ACER3: variants seen among roughly 807,000 people sequenced by gnomAD.
The protein encoded by ACER3 is alkaline ceramidase 3.
A neutral mutation model predicts 48.9 loss-of-function variants in ACER3; 16 were observed. The ratio of observed to expected loss-of-function variants is 0.33; its 90% CI spans 0.22 to 0.50. The LOEUF is 0.50. Among genes scored for constraint, ACER3 ranks in the 20% least tolerant of loss-of-function variants. The probability of loss-of-function intolerance (pLI) is 0.98; values close to 1 mark genes in which losing one functional copy is unlikely to be tolerated. For missense variants in ACER3, 227 were observed against 326.0 expected (o/e 0.70, Z 2.34); for synonymous variants, 109 against 107.8 (o/e 1.01, Z -0.07).
At chr11:76,900,699 A>G (rs1306941657) in intron 1 of ACER3, among the ~76,000 whole-genome samples, 2 of 152,172 alleles carry the variant, frequency 1.3e-5, no homozygotes, top group African/African-American at 4.8e-5. Context: ...CTTCTGCCAG[A>G]TTGTCTAATG....
In ACER3 at chr11:76,877,105, A is replaced by T. The variant is rs188966519; in HGVS notation, c.103+16026A>T. On this transcript the variant is annotated intron_variant, in intron 1 of 10. Coordinates refer to ENST00000532485, the MANE Select transcript of ACER3 (RefSeq NM_018367.7). ...TTATAAGCCCATCTGAAGATTTCAA[A>T]AAATTTTATAAGCATCATTTTATTT... 5.9e-5 allele frequency among the ~76,000 whole-genome samples: 9 copies of T among 152,316 alleles called. No individual in the cohort carries two copies. The East Asian group carries it at 1.7e-3, about 29-fold the overall frequency.
intron 1 of ACER3, among the ~76,000 whole-genome samples, chr11:76,868,464 T>C (rs1429157227): frequency 6.6e-6 from 1 of 150,770 alleles, no homozygotes; most frequent in African/African-American, 2.4e-5. Context: ...ATAACTCTCA[T>C]ATCCCTTTTT....
chr11:77,010,118 G>A (rs2135306710), intron 7 of ACER3, among the ~76,000 whole-genome samples: 1 of 151,618 alleles, frequency 6.6e-6, no homozygotes, highest in East Asian at 1.9e-4. Context: ...ACTCCCCTAA[G>A]AATTTGTAAA....
intron 1 of ACER3, among the ~76,000 whole-genome samples, chr11:76,921,555 T>C (rs1281977509): frequency 6.6e-6 from 1 of 152,208 alleles, no homozygotes; most frequent in Non-Finnish European, 1.5e-5. Flanking sequence ...TCTTATAATC[T>C]TACCTGTTCT....
At chr11:76,902,605 G>A (rs928082168) in intron 1 of ACER3, among the ~76,000 whole-genome samples, 8 of 152,276 alleles carry the variant, frequency 5.3e-5, no homozygotes, top group Middle Eastern at 3.4e-3. Flanking sequence ...ACTTTTCTCT[G>A]CTTCTTGGGA....
chr11:76,915,552 T>C (rs898367646), intron 1 of ACER3, among the ~76,000 whole-genome samples: 2 of 152,164 alleles, frequency 1.3e-5, no homozygotes, highest in Admixed American at 1.3e-4. Flanking sequence ...CGATAATTGC[T>C]GAACTATCAC....
intron 1 of ACER3, among the ~76,000 whole-genome samples, chr11:76,915,868 A>T (rs1946513860): frequency 6.6e-6 from 1 of 152,182 alleles, no homozygotes. Context: ...GAATTCACTC[A>T]GTCTCAAGAA....
chr11:76,889,505 C>A (rs1385335663), intron 1 of ACER3, among the ~76,000 whole-genome samples: 1 of 152,138 alleles, frequency 6.6e-6, no homozygotes, highest in Admixed American at 6.5e-5. Context: ...TGTGTACTTA[C>A]AAACATATAA....
chr11:76,916,245 C>G lies in ACER3; in HGVS notation c.104-10312C>G, dbSNP rs1214743150. Among the ~76,000 whole-genome samples, 3 of 152,066 alleles carry G rather than the reference C, an allele frequency of 2.0e-5. No homozygotes were observed. In the East Asian group the frequency reaches 5.8e-4, roughly 29 times the overall value. ...TAACTTTATTACATCATAACTGAAC[C>G]ACATCTGAAATAATATCTATTAGGT... is the stretch of plus-strand genomic sequence containing the variant. On this transcript the variant is annotated intron_variant, in intron 1 of 10. Coordinates refer to ENST00000532485, the MANE Select transcript of ACER3 (RefSeq NM_018367.7).
At chr11:76,966,700 A>G (rs1192103281) in intron 3 of ACER3, among the ~76,000 whole-genome samples, 1 of 150,312 alleles carries the variant, frequency 6.7e-6, no homozygotes, top group Non-Finnish European at 1.5e-5. Flanking sequence ...CCTGCTCCTG[A>G]ATGACTACTG....
Position 76,861,011 on chromosome 11 carries a change from G to C in ACER3, c.35G>C (p.Gly12Ala), listed in dbSNP as rs370824515. Residue 12 changes from glycine to alanine, a missense_variant, in exon 1 of 11, where the codon GGC (glycine) becomes GCC (alanine). Gly to Ala is a moderately conservative substitution (Grantham distance 60). Transcript: ENST00000532485. ...GCCGCGGACCGAGAGGGCTACTGGG[G>C]CCCCACGACCTCCACGCTGGACTGG... The part of the protein sequence containing the change: ...APAADREGYW[G>A]PTTSTLDWCE... The C allele has an allele frequency of 4.5e-6, 7 of 1,546,734 alleles. No homozygotes were observed. The highest frequency in any genetic ancestry group is 3.5e-6 in the Non-Finnish European group (4 of 1,146,002).
intron 1 of ACER3, among the ~76,000 whole-genome samples, chr11:76,877,859 T>C (rs1313824991): frequency 6.6e-6 from 1 of 152,128 alleles, no homozygotes; most frequent in Non-Finnish European, 1.5e-5. Flanking sequence ...AAAAATAAAC[T>C]GTTCAGGTTT....
At chr11:76,918,265 T>G (rs1302911038) in intron 1 of ACER3, among the ~76,000 whole-genome samples, 1 of 152,116 alleles carries the variant, frequency 6.6e-6, no homozygotes, top group African/African-American at 2.4e-5. Context: ...TCCTGTTTTT[T>G]TTTTCTTCTG....
At chr11:76,881,487 A>G (rs889148711) in intron 1 of ACER3, among the ~76,000 whole-genome samples, 16 of 151,862 alleles carry the variant, frequency 1.1e-4, no homozygotes, top group Admixed American at 1.1e-3. Flanking sequence ...TCTTCTTTGC[A>G]TTATTTATTT....
intron 1 of ACER3, among the ~76,000 whole-genome samples, chr11:76,867,468 C>CAAAAAAAAAAAAAAAAA (rs1156610809): frequency 1.5e-4 from 3 of 19,636 alleles, no homozygotes; most frequent in African/African-American, 4.9e-4. Context: ...GACTCTGTCT[C>CAAAAAAAAAAAAAAAAA]AAAAAAAAAA....
intron 1 of ACER3, among the ~76,000 whole-genome samples, chr11:76,904,647 A>T (rs1288752239): frequency 6.6e-6 from 1 of 152,170 alleles, no homozygotes; most frequent in East Asian, 1.9e-4. Flanking sequence ...AAATAAAAAT[A>T]AAAAAATAAA....
intron 9 of ACER3, among the ~76,000 whole-genome samples, chr11:77,017,962 T>G (rs112775708): frequency 0.17 from 11,708 of 67,944 alleles, 1,361 homozygotes; most frequent in African/African-American, 0.42. Flanking sequence ...TTTTTTTTTT[T>G]GGGAGACAGA....
rs569235927 is a variant in ACER3, at chr11:77,025,408, A to ATATTTATT, written c.*5087_*5094dup. ...TTTTATTCTTTATATATATATATAT[A>ATATTTATT]TATTTATTTATTTTTTTGAGACAGA... On this transcript the variant is annotated 3_prime_UTR_variant, in exon 11 of 11. Coordinates refer to ENST00000532485, the MANE Select transcript of ACER3 (RefSeq NM_018367.7). 5 of 144,114 alleles carry ATATTTATT rather than the reference A, an allele frequency of 3.5e-5. No homozygotes were observed. Among genetic ancestry groups the ATATTTATT allele is most frequent in the African/African-American group, 1.1e-4 (4 of 37,888 alleles). 8.9% of individuals were successfully genotyped at this position (144,114 alleles called of 1,614,324 possible). A position where few individuals can be genotyped will look rare whatever the true frequency, so the allele number is the denominator to read the frequency against.
At chr11:76,883,160 T>A (rs1590877376) in intron 1 of ACER3, among the ~76,000 whole-genome samples, 1 of 152,308 alleles carries the variant, frequency 6.6e-6, no homozygotes, top group African/African-American at 2.4e-5. Flanking sequence ...TGCATTAGAA[T>A]TTGTCTGCTT....
Sources: allele counts gnomAD v4.1 joint callset (sites outside exome capture counted in the v4.1 genomes callset), GRCh38; gene constraint gnomAD v4.1.1; transcripts MANE v1.5; gene names NCBI Gene and HGNC (gene_info 2026-07-23, HGNC 2026-07-21).